The following INKA2 variants were observed in gnomAD, a reference collection of about 807,000 sequenced individuals.
The protein encoded by INKA2 is inka box actin regulator 2, also known as PAK4-inhibitor INKA2.
A neutral mutation model predicts 9.8 loss-of-function variants in INKA2; 3 were observed. That is an observed-to-expected ratio of 0.31 (90% CI 0.14 to 0.79). The LOEUF (loss-of-function observed/expected upper bound fraction) is 0.79, where lower values mean the gene tolerates loss of function less well. Ranked by LOEUF, INKA2 falls within the 30% of genes least tolerant of loss-of-function variation. The probability of loss-of-function intolerance (pLI) is 0.62; values close to 1 mark genes in which losing one functional copy is unlikely to be tolerated. For missense variants in INKA2, 392 were observed against 384.4 expected (o/e 1.02, Z -0.17); for synonymous variants, 147 against 143.3 (o/e 1.03, Z -0.18).
upstream of INKA2, among the ~76,000 whole-genome samples, chr1:111,742,206 C>T (rs768804936): frequency 1.3e-5 from 2 of 152,208 alleles, no homozygotes; most frequent in Non-Finnish European, 2.9e-5. Flanking sequence ...TATGACCTTG[C>T]ACAAATGCTT....
In INKA2 at chr1:111,725,582, G is replaced by A. The variant is rs1185299564; in HGVS notation, c.*1386C>T. The stretch of plus-strand genomic sequence containing the variant: ...GACTGCTGTGTCTAGTGGGGAGAAG[G>A]CCACGGAATGGAGCTGGGAATTTTA... On this transcript the variant is annotated 3_prime_UTR_variant, in exon 2 of 2. Transcript: ENST00000357260. 1 of 152,312 alleles carries A rather than the reference G, an allele frequency of 6.6e-6. No homozygotes were observed. The highest frequency in any genetic ancestry group is 1.5e-5 in the Non-Finnish European group (1 of 68,090). The allele number at this position is 152,312 out of a possible 1,614,324, so 9.4% of individuals were successfully genotyped here.
upstream of INKA2, among the ~76,000 whole-genome samples, chr1:111,741,836 C>G (rs570419780): frequency 6.6e-6 from 1 of 152,350 alleles, no homozygotes; most frequent in Non-Finnish European, 1.5e-5. Flanking sequence ...GTGCCTCAGC[C>G]TCCTGAGTAG....
At chr1:111,751,819 A>G (rs571205537) in intron 1 of INKA2, among the ~76,000 whole-genome samples, 1 of 152,318 alleles carries the variant, frequency 6.6e-6, no homozygotes, top group Admixed American at 6.5e-5. Flanking sequence ...AATGCTAGGA[A>G]GATGTGGCAG....
At chr1:111,745,323 G>C (rs1189883731) in intron 1 of INKA2, 2 of 108,764 alleles carry the variant, frequency 1.8e-5, no homozygotes, top group Non-Finnish European at 3.6e-5. Flanking sequence ...TTGAGACAGG[G>C]TCTCACTCTG....
intron 1 of INKA2, among the ~76,000 whole-genome samples, chr1:111,734,876 GT>G (rs1218971862): frequency 1.3e-5 from 2 of 152,174 alleles, no homozygotes; most frequent in Admixed American, 6.5e-5. Flanking sequence ...ACCCGTGCTT[GT>G]TATATAGCAC....
chr1:111,749,451 C>CGT (rs1187380834), intron 1 of INKA2, among the ~76,000 whole-genome samples: 432 of 151,646 alleles, frequency 2.8e-3, no homozygotes, highest in African/African-American at 9.9e-3. Flanking sequence ...TGTGTGCGCG[C>CGT]GCGCGCGTGC....
Position 111,739,332 on chromosome 1 carries a change from C to T in INKA2, c.-90G>A, listed in dbSNP as rs1477878897. ...ACTGCGCTCCGGGCCGGCTCCCCGC[C>T]CCTGCGCCCGTAGCGCTCGCAGCGC... On this transcript the variant is annotated 5_prime_UTR_variant, in exon 1 of 2. Coordinates refer to ENST00000357260, the MANE Select transcript of INKA2 (RefSeq NM_019099.5). The T allele has an allele frequency of 4.4e-6, 7 of 1,578,768 alleles. No individual in the cohort carries two copies. Among genetic ancestry groups the T allele is most frequent in the Non-Finnish European group, 1.7e-6 (2 of 1,162,728 alleles).
chr1:111,752,694 CTTTTT>C (rs907281928), intron 1 of INKA2, among the ~76,000 whole-genome samples: 2 of 146,578 alleles, frequency 1.4e-5, no homozygotes, highest in Non-Finnish European at 3.0e-5. Flanking sequence ...TTTTCTTTTT[CTTTTT>C]TTTTTTTCTT....
In INKA2 at chr1:111,739,322, G is replaced by C; in HGVS notation, c.-80C>G. The C allele has an allele frequency of 6.3e-7, 1 of 1,589,026 alleles. No homozygotes were observed. The highest frequency in any genetic ancestry group is 8.6e-7 in the Non-Finnish European group (1 of 1,167,890). Reference sequence around the variant, plus strand: ...CCCACTGGAAACTGCGCTCCGGGCCGGCTCCCCGCCCCTGCGCCCGTAGCG... The same window carrying C: ...CCCACTGGAAACTGCGCTCCGGGCCCGCTCCCCGCCCCTGCGCCCGTAGCG... On this transcript the variant is annotated 5_prime_UTR_variant, in exon 1 of 2. Transcript: ENST00000357260.
At chr1:111,745,291 A>ATTTTTTTTTT (rs1300146205) in intron 1 of INKA2, 1 of 49,360 alleles carries the variant, frequency 2.0e-5, no homozygotes, top group Non-Finnish European at 3.6e-5. Flanking sequence ...ATATATATAT[A>ATTTTTTTTTT]TATTTTTTTT....
chr1:111,754,025 G>A (rs1310452737), intron 1 of INKA2: 1 of 152,204 alleles, frequency 6.6e-6, no homozygotes, highest in Non-Finnish European at 1.5e-5. Flanking sequence ...AGAAACTCTG[G>A]CCAGAGAAAC....
At chr1:111,739,894 C>T (rs1244907539), upstream of INKA2, 3 of 152,262 alleles carry the variant, frequency 2.0e-5, no homozygotes, top group Admixed American at 1.3e-4. Flanking sequence ...GAAATCCTCG[C>T]AGCCCTGCCC....
chr1:111,739,889 C>T (rs566578907), upstream of INKA2: 3 of 152,402 alleles, frequency 2.0e-5, no homozygotes, highest in South Asian at 6.2e-4. Flanking sequence ...AGAGTGAAAT[C>T]CTCGCAGCCC....
chr1:111,739,404 A>G (rs1295080441), upstream of INKA2: 3 of 1,470,832 alleles, frequency 2.0e-6, no homozygotes, highest in African/African-American at 1.4e-5. Flanking sequence ...TCGCTTCCCC[A>G]GCGGCTAGCC....
At chr1:111,747,829 A>AGTGT (rs139313387) in intron 1 of INKA2, 21,055 of 150,562 alleles carry the variant, frequency 0.14, 1,629 homozygotes, top group African/African-American at 0.21. Flanking sequence ...TATGTGTGTG[A>AGTGT]GTGTGTGTGT....
Position 111,725,923 on chromosome 1 carries a change from G to C in INKA2, c.*1045C>G. On this transcript the variant is annotated 3_prime_UTR_variant, in exon 2 of 2. Coordinates refer to ENST00000357260, the MANE Select transcript of INKA2 (RefSeq NM_019099.5). ...AATTTTTACGTATTTTTTTAGTAGA[G>C]ACGGGGTTTCACCATGTTGGCCAGG... 2.7e-6 allele frequency: 1 copy of C among 376,074 alleles called. No individual in the cohort carries two copies. The allele number at this position is 376,074 out of a possible 1,614,324, so 23.3% of individuals were successfully genotyped here.
chr1:111,740,971 T>TAAAAA (rs869221820), upstream of INKA2, among the ~76,000 whole-genome samples: 4 of 38,384 alleles, frequency 1.0e-4, 2 homozygotes, highest in Non-Finnish European at 2.0e-4. Flanking sequence ...AAACTCCGTT[T>TAAAAA]AAAAAAAAAA....
upstream of INKA2, chr1:111,744,306 A>G (rs924582692): frequency 3.3e-5 from 5 of 152,218 alleles, no homozygotes; most frequent in Admixed American, 2.0e-4. Context: ...GGAGGAATCA[A>G]AGACTGCAGT....
intron 1 of INKA2, among the ~76,000 whole-genome samples, chr1:111,751,183 T>C (rs931266765): frequency 6.6e-6 from 1 of 152,236 alleles, no homozygotes; most frequent in African/African-American, 2.4e-5. Flanking sequence ...AACAATGATC[T>C]TGTATGTGCA....
Sources: gnomAD v4.1 joint callset for allele counts (sites outside exome capture counted in the v4.1 genomes callset) on GRCh38, gnomAD v4.1.1 for gene constraint, MANE v1.5 for transcripts, NCBI Gene and HGNC (gene_info 2026-07-23, HGNC 2026-07-21) for gene names.